The following RELL1 variants were observed in gnomAD, a reference collection of about 807,000 sequenced individuals.
RELL1 encodes the protein RELT-like protein 1.
In RELL1, 10 loss-of-function variants were observed where a neutral mutation model predicts 23.0. The ratio of observed to expected loss-of-function variants is 0.43; its 90% CI spans 0.27 to 0.74. The LOEUF is 0.74. Among genes scored for constraint, RELL1 ranks in the 30% least tolerant of loss-of-function variants. The probability of loss-of-function intolerance (pLI) is 0.19; values close to 1 mark genes in which losing one functional copy is unlikely to be tolerated. For missense variants in RELL1, 315 were observed against 364.4 expected (o/e 0.86, Z 1.10); for synonymous variants, 146 against 146.8 (o/e 0.99, Z 0.04).
chr4:37,660,158 C>T (rs1015070894), intron 1 of RELL1, among the ~76,000 whole-genome samples: 1 of 151,942 alleles, frequency 6.6e-6, no homozygotes, highest in African/African-American at 2.4e-5. Context: ...TCTAGATTAC[C>T]AAGATGGCTA....
intron 3 of RELL1, among the ~76,000 whole-genome samples, chr4:37,642,861 G>A (rs1439681358): frequency 6.6e-6 from 1 of 152,250 alleles, no homozygotes; most frequent in Admixed American, 6.5e-5. Context: ...ATAGCTTCCA[G>A]GTGGCTGAAC....
At chr4:37,640,275 A>T (rs1720481385) in intron 3 of RELL1, among the ~76,000 whole-genome samples, 1 of 152,254 alleles carries the variant, frequency 6.6e-6, no homozygotes, top group Non-Finnish European at 1.5e-5. Context: ...TGATCTAAAT[A>T]AGACCTCCTG....
In RELL1 at chr4:37,604,934, G is replaced by GAGAC. The variant is rs1553871571; in HGVS notation, c.*4-13718_*4-13717insGTCT. On this transcript the variant is annotated intron_variant, in intron 6 of 6. Transcript: ENST00000314117. Reference sequence around the variant, plus strand: ...ACACACACACAGACACACACACACAGACACACACATACACACACAGAGACA... The same window carrying GAGAC: ...ACACACACACAGACACACACACACAGAGACACACACACATACACACACAGAGACA... 1.3e-4 allele frequency among the ~76,000 whole-genome samples: 15 copies of GAGAC among 116,428 alleles called. 2 individuals carry two copies. Among genetic ancestry groups the GAGAC allele is most frequent in the Non-Finnish European group, 2.2e-4 (12 of 55,260 alleles). 76.4% of individuals were successfully genotyped at this position (116,428 alleles called of 152,430 possible). A position where few individuals can be genotyped will look rare whatever the true frequency, so the allele number is the denominator to read the frequency against.
At chr4:37,618,604 C>A (rs528201514) in intron 6 of RELL1, among the ~76,000 whole-genome samples, 1 of 152,290 alleles carries the variant, frequency 6.6e-6, no homozygotes, top group Admixed American at 6.5e-5. Context: ...TTTACTTAAT[C>A]TCCCATTGAT....
At chr4:37,600,770 T>C (rs1718993668) in intron 6 of RELL1, among the ~76,000 whole-genome samples, 1 of 121,640 alleles carries the variant, frequency 8.2e-6, no homozygotes, top group East Asian at 2.6e-4. Context: ...TTATTTAGTA[T>C]GGATTTGTGC....
chr4:37,605,781 G>GAGAGAGAAAGAA (rs1443685117), downstream of RELL1, among the ~76,000 whole-genome samples: 63 of 119,668 alleles, frequency 5.3e-4, no homozygotes, highest in African/African-American at 1.9e-3. Flanking sequence ...GAGAGAGAGA[G>GAGAGAGAAAGAA]AGAGAAAGAA....
At chr4:37,643,313 T>C (rs1460131472) in intron 3 of RELL1, among the ~76,000 whole-genome samples, 1 of 152,192 alleles carries the variant, frequency 6.6e-6, no homozygotes, top group African/African-American at 2.4e-5. Flanking sequence ...TAATCCATCC[T>C]TCAAGAGATA....
chr4:37,631,102 G>T (rs1001233665), intron 6 of RELL1, among the ~76,000 whole-genome samples: 35 of 152,226 alleles, frequency 2.3e-4, no homozygotes, highest in African/African-American at 8.2e-4. Flanking sequence ...ATTCTAGTTT[G>T]CCACAATCCC....
intron 1 of RELL1, among the ~76,000 whole-genome samples, chr4:37,672,089 T>C (rs1188488986): frequency 6.6e-6 from 1 of 152,192 alleles, no homozygotes; most frequent in African/African-American, 2.4e-5. Context: ...CTAGCCTCCT[T>C]GCTGCAGTTT....
intron 6 of RELL1, among the ~76,000 whole-genome samples, chr4:37,626,126 T>A (rs953153225): frequency 2.6e-5 from 4 of 152,274 alleles, no homozygotes; most frequent in African/African-American, 9.6e-5. Flanking sequence ...TGCATACTGT[T>A]AGTGGGAATA....
intron 6 of RELL1, among the ~76,000 whole-genome samples, chr4:37,620,029 C>T (rs1719715821): frequency 6.6e-6 from 1 of 152,076 alleles, no homozygotes; most frequent in Admixed American, 6.5e-5. Flanking sequence ...ATTATAACCC[C>T]CAATTTGAGA....
At chr4:37,604,834 C>CACACAG (rs1560323727) in intron 6 of RELL1, among the ~76,000 whole-genome samples, 1 of 105,270 alleles carries the variant, frequency 9.5e-6, no homozygotes, top group Non-Finnish European at 1.9e-5. Flanking sequence ...CACACACATA[C>CACACAG]ACACAGACAC....
At chr4:37,645,764 G>A (rs1720691035) in intron 3 of RELL1, among the ~76,000 whole-genome samples, 1 of 152,222 alleles carries the variant, frequency 6.6e-6, no homozygotes, top group Admixed American at 6.5e-5. Context: ...AAGATTAAAT[G>A]AGATTACGTA....
intron 3 of RELL1, among the ~76,000 whole-genome samples, chr4:37,639,708 C>T (rs1409700090): frequency 2.0e-5 from 3 of 152,184 alleles, no homozygotes; most frequent in Non-Finnish European, 2.9e-5. Context: ...TGGCTTGTAA[C>T]CTTTTCAATT....
intron 1 of RELL1, chr4:37,665,139 A>G: frequency 4.9e-6 from 2 of 406,856 alleles, no homozygotes; most frequent in East Asian, 1.4e-4. Context: ...CCAAGTTCAC[A>G]GTAACTTTAT....
chr4:37,620,922 G>A (rs188196717), intron 6 of RELL1, among the ~76,000 whole-genome samples: 4 of 152,336 alleles, frequency 2.6e-5, no homozygotes, highest in African/African-American at 9.6e-5. Flanking sequence ...CTACGAAGTA[G>A]TAGTAGTATT....
intron 3 of RELL1, among the ~76,000 whole-genome samples, chr4:37,641,443 A>T (rs1010143771): frequency 6.6e-6 from 1 of 152,192 alleles, no homozygotes; most frequent in African/African-American, 2.4e-5. Context: ...AAGTTACCAT[A>T]AAAGAGCAAT....
At chr4:37,631,886 A>C (rs13114789) in intron 5 of RELL1, among the ~76,000 whole-genome samples, 122,368 of 151,598 alleles carry the variant, frequency 0.81, 50,715 homozygotes, top group Middle Eastern at 0.93. Flanking sequence ...TTGAGACCAG[A>C]CTGGGTGTAT....
chr4:37,670,744 G>A (rs1234120945), intron 1 of RELL1, among the ~76,000 whole-genome samples: 1 of 151,792 alleles, frequency 6.6e-6, no homozygotes, highest in African/African-American at 2.4e-5. Flanking sequence ...CTGATTTTTT[G>A]TATTTTTTTA....
Sources: gnomAD v4.1 joint callset for allele counts (sites outside exome capture counted in the v4.1 genomes callset) on GRCh38, gnomAD v4.1.1 for gene constraint, MANE v1.5 for transcripts, NCBI Gene and HGNC (gene_info 2026-07-23, HGNC 2026-07-21) for gene names.